MTA3: variants seen among roughly 807,000 people sequenced by gnomAD.
The protein encoded by MTA3 is metastasis-associated protein MTA3.
Under a neutral mutation model 83.5 loss-of-function variants are expected in MTA3, and 34 were observed. That is an observed-to-expected ratio of 0.41 (90% CI 0.31 to 0.54). MTA3 has a LOEUF of 0.54. Among genes scored for constraint, MTA3 ranks in the 20% least tolerant of loss-of-function variants. MTA3 has a pLI of 0.33. For missense variants in MTA3, 761 were observed against 726.4 expected, an observed-to-expected ratio of 1.05 and a Z score of -0.55; for synonymous variants, 303 against 252.7, an observed-to-expected ratio of 1.20 and a Z score of -1.89.
At position 42,714,065 on chromosome 2, in the gene MTA3, T is replaced by C. The variant is rs561144328; in HGVS notation, c.1526-4923T>C. On this transcript the variant is annotated intron_variant, in intron 14 of 16. Coordinates refer to ENST00000405094, the MANE Select transcript of MTA3 (RefSeq NM_001330442.2). ...GACAATTCCTATTTCTCTAGAACTTTGCTGGCAGTGTTACCCATCTTTGAA... is the reference window on the plus strand; with the variant it reads ...GACAATTCCTATTTCTCTAGAACTTCGCTGGCAGTGTTACCCATCTTTGAA... 3.9e-5 allele frequency among the ~76,000 whole-genome samples: 6 copies of C among 152,360 alleles called. No individual in the cohort carries two copies. In the South Asian group the frequency reaches 1.0e-3, roughly 26 times the overall value.
At chr2:42,662,747 T>G (rs1043152402) in intron 8 of MTA3, among the ~76,000 whole-genome samples, 56 of 151,454 alleles carry the variant, frequency 3.7e-4, no homozygotes, top group Middle Eastern at 3.4e-3. Flanking sequence ...TTTTTTTTTT[T>G]TTGAGACAGA....
chr2:42,708,778 T>C (rs1666333175), intron 13 of MTA3, 96 bp from the exon 14 acceptor site: 3 of 1,282,504 alleles, frequency 2.3e-6, no homozygotes, highest in Admixed American at 2.0e-5. Flanking sequence ...TCATGAAAGA[T>C]TTAAAAGTTG....
chr2:42,755,956 G>C lies in MTA3; in HGVS notation c.*2557G>C. The C allele has an allele frequency of 1.0e-6, 1 of 985,522 alleles. No homozygotes were observed. Among genetic ancestry groups the C allele is most frequent in the Non-Finnish European group, 1.2e-6 (1 of 829,986 alleles). The allele number at this position is 985,522 out of a possible 1,614,324, so 61.0% of individuals were successfully genotyped here. A position where few individuals can be genotyped will look rare whatever the true frequency, so the allele number is the denominator to read the frequency against. On this transcript the variant is annotated 3_prime_UTR_variant, in exon 17 of 17. Transcript: ENST00000405094. ...GGCCGACTGGAGGGTGTCGCCGGAA[G>C]GTTTCAGCCTGCCCTTCACAATTCC...
intron 4 of MTA3, among the ~76,000 whole-genome samples, chr2:42,617,534 G>A (rs930869660): frequency 5.9e-5 from 9 of 152,020 alleles, no homozygotes; most frequent in East Asian, 1.9e-4. Context: ...GTTTGAGGCC[G>A]GGCATGGTGG....
chr2:42,537,351 G>A (rs1386176444), intron 2 of MTA3, among the ~76,000 whole-genome samples: 2 of 152,214 alleles, frequency 1.3e-5, no homozygotes, highest in Admixed American at 6.5e-5. Flanking sequence ...ATCACCTGAG[G>A]TCAGGGGTTC....
At chr2:42,619,413 G>A (rs1487035084) in intron 4 of MTA3, among the ~76,000 whole-genome samples, 1 of 152,100 alleles carries the variant, frequency 6.6e-6, no homozygotes, top group Non-Finnish European at 1.5e-5. Context: ...TGTGGTGTGA[G>A]GCCAGGTCAG....
At chr2:42,524,620 C>T (rs184635669) in intron 2 of MTA3, among the ~76,000 whole-genome samples, 12 of 151,534 alleles carry the variant, frequency 7.9e-5, no homozygotes, top group Admixed American at 3.3e-4. Context: ...CACCGCGCCC[C>T]GCCAGCTGCA....
intron 8 of MTA3, among the ~76,000 whole-genome samples, chr2:42,679,929 A>T (rs1267166721): frequency 6.6e-6 from 1 of 151,976 alleles, no homozygotes; most frequent in Non-Finnish European, 1.5e-5. Flanking sequence ...GTGTGTTTAT[A>T]ATAAAGTGTG....
rs537888010 is a variant in MTA3, at chr2:42,616,275, C to T, written c.317+6691C>T. Among the ~76,000 whole-genome samples the T allele has an allele frequency of 1.2e-4, 18 of 152,208 alleles. 1 individual carries two copies. Among genetic ancestry groups the T allele is most frequent in the African/African-American group, 4.3e-4 (18 of 41,558 alleles). On this transcript the variant is annotated intron_variant, in intron 4 of 16. Coordinates refer to ENST00000405094, the MANE Select transcript of MTA3 (RefSeq NM_001330442.2). Reference sequence around the variant, plus strand: ...ACGGGGTTTCACCATGTTGGCCAGGCTGGCCTCGAACTCCTGACTTCAGGT... The same window carrying T: ...ACGGGGTTTCACCATGTTGGCCAGGTTGGCCTCGAACTCCTGACTTCAGGT...
At chr2:42,561,772 C>G (rs985743734) in intron 2 of MTA3, among the ~76,000 whole-genome samples, 2 of 152,058 alleles carry the variant, frequency 1.3e-5, no homozygotes, top group Non-Finnish European at 2.9e-5. Context: ...CTGTGTATTT[C>G]TCTTTATTCT....
rs983063579 is a variant in MTA3, at chr2:42,755,580, C to G, written c.*2181C>G. On this transcript the variant is annotated 3_prime_UTR_variant, in exon 17 of 17. Transcript: ENST00000405094. ...GAGGGTGATGTTGACTGAGACTTCACGCTCTCCCTTTGTCTCTGGAAACTG... is the reference window on the plus strand; with the variant it reads ...GAGGGTGATGTTGACTGAGACTTCAGGCTCTCCCTTTGTCTCTGGAAACTG... 2 of 985,420 alleles carry G rather than the reference C, an allele frequency of 2.0e-6. No individual in the cohort carries two copies. The highest frequency in any genetic ancestry group is 1.7e-5 in the African/African-American group (1 of 57,238). The allele number at this position is 985,420 out of a possible 1,614,324, so 61.0% of individuals were successfully genotyped here.
upstream of MTA3, among the ~76,000 whole-genome samples, chr2:42,567,602 T>A (rs1677975131): frequency 6.6e-6 from 1 of 151,930 alleles, no homozygotes; most frequent in Non-Finnish European, 1.5e-5. Flanking sequence ...CTAAAGAAAG[T>A]TATTTGTGTT....
rs183246039 is a variant in MTA3, at chr2:42,531,350, G to C, written c.-141+36096G>C. 1.6e-3 allele frequency among the ~76,000 whole-genome samples: 237 copies of C among 151,020 alleles called. 2 individuals are homozygous for C. Among genetic ancestry groups the C allele is most frequent in the African/African-American group, 5.6e-3 (231 of 41,206 alleles). ...TTTTCTGAGCCCTTTTTCATGCATGGTCAAAGCAATTCCAAACTAGTATGT... is the reference window on the plus strand; with the variant it reads ...TTTTCTGAGCCCTTTTTCATGCATGCTCAAAGCAATTCCAAACTAGTATGT... On this transcript the variant is annotated intron_variant, in intron 2 of 17. Transcript: ENST00000405592.
intron 2 of MTA3, among the ~76,000 whole-genome samples, chr2:42,512,291 A>G (rs1289243609): frequency 6.6e-6 from 1 of 152,138 alleles, no homozygotes; most frequent in Non-Finnish European, 1.5e-5. Flanking sequence ...GGCTCAGCCA[A>G]AAATGATGAG....
At chr2:42,572,121 CA>C (rs1038884280) in intron 2 of MTA3, among the ~76,000 whole-genome samples, 1 of 150,848 alleles carries the variant, frequency 6.6e-6, no homozygotes, top group Non-Finnish European at 1.5e-5. Context: ...ACTAAAAATA[CA>C]AAAAAAATTA....
chr2:42,642,305 G>T (rs941041498), intron 5 of MTA3, among the ~76,000 whole-genome samples: 9 of 151,816 alleles, frequency 5.9e-5, no homozygotes, highest in South Asian at 2.1e-4. Context: ...GTTTTTATTG[G>T]AGTACCATGC....
chr2:42,750,027 C>G (rs1669751151), intron 16 of MTA3, among the ~76,000 whole-genome samples: 1 of 151,710 alleles, frequency 6.6e-6, no homozygotes, highest in Non-Finnish European at 1.5e-5. Context: ...GAGTCTCACT[C>G]TGTCGCCAGG....
Position 42,729,090 on chromosome 2 carries a change from T to TTTG in MTA3, c.1759+6057_1759+6058insGTT, listed in dbSNP as rs1239961211. Among the ~76,000 whole-genome samples the TTTG allele has an allele frequency of 5.2e-4, 55 of 106,216 alleles. 12 individuals carry two copies. Among genetic ancestry groups the TTTG allele is most frequent in the African/African-American group, 2.4e-3 (53 of 22,206 alleles). The allele number at this position is 106,216 out of a possible 152,430, so 69.7% of individuals were successfully genotyped here. On this transcript the variant is annotated intron_variant, in intron 16 of 16. Transcript: ENST00000405094. Reference sequence around the variant, plus strand: ...TTTATTAGTTTCACAGTTTGAGTTTTTTTTTTTTTTTTTTTTTTTTTTTCA... The same window carrying TTTG: ...TTTATTAGTTTCACAGTTTGAGTTTTTTGTTTTTTTTTTTTTTTTTTTTTTTCA...
At chr2:42,701,853 TG>T (rs1665594411) in intron 11 of MTA3, among the ~76,000 whole-genome samples, 1 of 151,406 alleles carries the variant, frequency 6.6e-6, no homozygotes, top group Admixed American at 6.6e-5. Context: ...GGGCAGAGGT[TG>T]CAGTGAGCCG....
Sources: gnomAD v4.1 joint callset for allele counts (sites outside exome capture counted in the v4.1 genomes callset) on GRCh38, gnomAD v4.1.1 for gene constraint, MANE v1.5 for transcripts, NCBI Gene and HGNC (gene_info 2026-07-23, HGNC 2026-07-21) for gene names.